The following PSMD8 variants were observed in gnomAD, a reference collection of about 807,000 sequenced individuals.
The protein encoded by PSMD8 is proteasome 26S subunit, non-ATPase 8.
A neutral mutation model predicts 40.0 loss-of-function variants in PSMD8; 30 were observed. The ratio of observed to expected loss-of-function variants is 0.75; its 90% CI spans 0.56 to 1.02. PSMD8 has a LOEUF of 1.02. Ranked by LOEUF, PSMD8 falls within the 50% of genes least tolerant of loss-of-function variation. The pLI is 0.00. For missense variants in PSMD8, 461 were observed against 463.9 expected, an observed-to-expected ratio of 0.99 and a Z score of 0.06; for synonymous variants, 208 against 192.5, an observed-to-expected ratio of 1.08 and a Z score of -0.67.
chr19:38,382,054 G>A (rs576864432), intron 5 of PSMD8, 63 bp from the exon 6 acceptor site: 54 of 1,216,026 alleles, frequency 4.4e-5, no homozygotes, highest in Admixed American at 1.4e-4. Flanking sequence ...TGTCAGGTCT[G>A]GGGGGACAGG....
chr19:38,380,839 G>T, intron 4 of PSMD8, 60 bp from the exon 5 acceptor site: 2 of 1,350,272 alleles, frequency 1.5e-6, no homozygotes, highest in Non-Finnish European at 1.0e-6. Context: ...GCCCACACAG[G>T]TAGGCCCCTT....
rs1259564453 is a variant in PSMD8, at chr19:38,383,751, T to C, written c.*361T>C. On this transcript the variant is annotated 3_prime_UTR_variant, in exon 7 of 7. Transcript: ENST00000215071. The stretch of plus-strand genomic sequence containing the variant: ...AATGCTGGACCAGGGTACCAGATTT[T>C]TTCAACAAAGGGGGTGAAGTGTCCT... 1 of 254,716 alleles carries C rather than the reference T, an allele frequency of 3.9e-6. No homozygotes were observed. Among genetic ancestry groups the C allele is most frequent in the Non-Finnish European group, 7.7e-6 (1 of 130,380 alleles). 15.8% of individuals were successfully genotyped at this position (254,716 alleles called of 1,614,324 possible).
intron 3 of PSMD8, 134 bp from the exon 4 acceptor site, chr19:38,379,106 C>T (rs770066566): frequency 4.1e-5 from 35 of 857,236 alleles, no homozygotes; most frequent in Non-Finnish European, 6.2e-5. Context: ...ACAGTTTCCT[C>T]ATATGAAAAC....
intron 1 of PSMD8, chr19:38,375,168 TTGA>T (rs1174645393): frequency 9.4e-6 from 8 of 849,068 alleles, no homozygotes; most frequent in Non-Finnish European, 1.4e-5. Context: ...ACAGGGAGCG[TTGA>T]TGGTCACGCC....
chr19:38,382,504 T>C, intron 6 of PSMD8: 2 of 559,500 alleles, frequency 3.6e-6, no homozygotes, highest in South Asian at 4.9e-5. Context: ...AGGTGGCAGC[T>C]TTTTCTGCAA....
At position 38,375,189 on chromosome 19, in the gene PSMD8, G is replaced by T. The variant is rs1970588235; in HGVS notation, c.360+228G>T. The T allele has an allele frequency of 5.6e-6, 4 of 712,120 alleles. No individual in the cohort carries two copies. The South Asian group carries it at 5.8e-5, about 10-fold the overall frequency. The allele number at this position is 712,120 out of a possible 1,614,324, so 44.1% of individuals were successfully genotyped here. On this transcript the variant is annotated intron_variant, in intron 1 of 6. Transcript: ENST00000215071. ...AGCGTTGATGGTCACGCCTGTAATC[G>T]CAGCGCTTTGGGAGGCCGAGGCGGG...
At chr19:38,376,028 A>T in intron 1 of PSMD8, 132 bp from the exon 2 acceptor site, 3 of 876,906 alleles carry the variant, frequency 3.4e-6, no homozygotes, top group Non-Finnish European at 5.4e-6. Context: ...GCTTTATGAG[A>T]AAGCATTCCT....
chr19:38,374,806 G>A lies in PSMD8; in HGVS notation c.205G>A (p.Val69Met). The A allele has an allele frequency of 6.4e-7, 1 of 1,573,210 alleles. No individual in the cohort carries two copies. Among genetic ancestry groups the A allele is most frequent in the Non-Finnish European group, 8.6e-7 (1 of 1,165,920 alleles). The change falls in exon 1 of 7, where the codon GTG becomes ATG. Residue 69 changes from valine to methionine, a missense_variant. Around this residue, in one of 2 missense-constraint regions of PSMD8, gnomAD observed 225 missense variants for 142.7 expected, o/e 1.58. Transcript: ENST00000215071. ...AASRKMAAAAVNGAAGFSSSG... is the reference protein window; with the variant it reads ...AASRKMAAAAMNGAAGFSSSG... Reference sequence around the variant, plus strand: ...ATCACGCAAGATGGCGGCCGCGGCGGTGAACGGGGCGGCAGGCTTCTCGAG... The same window carrying A: ...ATCACGCAAGATGGCGGCCGCGGCGATGAACGGGGCGGCAGGCTTCTCGAG...
intron 2 of PSMD8, 24 bp from the exon 3 acceptor site, chr19:38,376,328 G>C (rs750108417): frequency 7.1e-6 from 11 of 1,542,972 alleles, no homozygotes; most frequent in Non-Finnish European, 9.7e-6. Context: ...GTCACCTCCT[G>C]AGAGCTCACT....
At chr19:38,382,779 C>T (rs2145130812) in intron 6 of PSMD8, 2 of 175,688 alleles carry the variant, frequency 1.1e-5, no homozygotes, top group Middle Eastern at 2.7e-3. Flanking sequence ...GATGTGGTGG[C>T]GGGTGCCTGT....
chr19:38,374,767 G>C lies in PSMD8; in HGVS notation c.166G>C (p.Gly56Arg), dbSNP rs764267508. 24 of 1,565,742 alleles carry C rather than the reference G, an allele frequency of 1.5e-5. No homozygotes were observed. Among genetic ancestry groups the C allele is most frequent in the Non-Finnish European group, 1.9e-5 (22 of 1,160,522 alleles). Residue 56 changes from glycine (G) to arginine (R), a missense_variant, in exon 1 of 7, where the codon GGT becomes CGT. Gly to Arg is a moderately radical substitution (Grantham distance 125). This residue lies in a region of PSMD8 where 225 missense variants were observed against 142.7 expected (regional missense o/e 1.58). Transcript: ENST00000215071. ...VCRRRCRKSG[G>R]LLAASRKMAA... is the part of the protein sequence containing the mutation. ...TAGGCGGCGCTGCCGTAAATCAGGC[G>C]GTCTGCTTGCCGCATCACGCAAGAT...
At chr19:38,382,930 AG>A in intron 6 of PSMD8, 5 of 263,646 alleles carry the variant, frequency 1.9e-5, no homozygotes, top group South Asian at 1.3e-4. Context: ...AAAAAAAAAA[AG>A]AAGAAGGTGA....
At chr19:38,380,830 C>A in intron 4 of PSMD8, 69 bp from the exon 5 acceptor site, 2 of 1,242,704 alleles carry the variant, frequency 1.6e-6, no homozygotes, top group Non-Finnish European at 2.2e-6. Flanking sequence ...TGTGATGAGG[C>A]CCACACAGGT....
At chr19:38,380,426 G>A (rs1324974292) in intron 4 of PSMD8, among the ~76,000 whole-genome samples, 1 of 152,160 alleles carries the variant, frequency 6.6e-6, no homozygotes, top group African/African-American at 2.4e-5. Flanking sequence ...GCAGGGCCAG[G>A]GCAAAGCCTT....
chr19:38,379,130 C>A, intron 3 of PSMD8, 110 bp from the exon 4 acceptor site: 2 of 1,129,668 alleles, frequency 1.8e-6, no homozygotes, highest in Non-Finnish European at 2.5e-6. Context: ...GGACCTGATA[C>A]CTCTTCAGGA....
chr19:38,379,174 C>G (rs1970620240), intron 3 of PSMD8, 66 bp from the exon 4 acceptor site: 2 of 1,511,196 alleles, frequency 1.3e-6, no homozygotes, highest in Admixed American at 3.8e-5. Context: ...TTCCTGGAGC[C>G]TGGGGTAGAG....
At position 38,374,720 on chromosome 19, in the gene PSMD8, A is replaced by T. The variant is rs959043523; in HGVS notation, c.119A>T (p.His40Leu). The change falls in exon 1 of 7, where the codon CAC becomes CTC. Residue 40 changes from histidine (H) to leucine (L), a missense_variant. This residue lies in a region of PSMD8 where 225 missense variants were observed against 142.7 expected (regional missense o/e 1.58). Transcript: ENST00000215071. The stretch of plus-strand genomic sequence containing the variant: ...GCCTTGGGCTCCACCTCTCGGCCCC[A>T]CTTCCGCCGGGCAAGCGTTTGTAGG... ...PRALGSTSRPHFRRASVCRRR... is the reference protein window; with the variant it reads ...PRALGSTSRPLFRRASVCRRR... 3.2e-6 allele frequency: 5 copies of T among 1,547,176 alleles called. No individual in the cohort carries two copies. The highest frequency in any genetic ancestry group is 4.4e-6 in the Non-Finnish European group (5 of 1,149,238).
rs1480148484 is a variant in PSMD8, at chr19:38,376,191, C to A, written c.392C>A (p.Thr131Asn). The A allele has an allele frequency of 2.5e-6, 4 of 1,607,620 alleles. No individual in the cohort carries two copies. The highest frequency in any genetic ancestry group is 3.4e-6 in the Non-Finnish European group (4 of 1,176,736). The change falls in exon 2 of 7, where the codon ACC becomes AAC. Residue 131 changes from threonine (T) to asparagine (N), a missense_variant. This residue lies in a region of PSMD8 where 236 missense variants were observed against 321.2 expected (regional missense o/e 0.73). Coordinates refer to ENST00000215071, the MANE Select transcript of PSMD8 (RefSeq NM_002812.5). Reference sequence around the variant, plus strand: ...CTTCTGGAGCTCAACTTCTTGCCAACCACAGGGACCAAGCTGACCAAACAG... The same window carrying A: ...CTTCTGGAGCTCAACTTCTTGCCAAACACAGGGACCAAGCTGACCAAACAG... ...LVLLELNFLP[T>N]TGTKLTKQQL...
At chr19:38,377,570 C>T (rs1430620467) in intron 3 of PSMD8, among the ~76,000 whole-genome samples, 1 of 152,036 alleles carries the variant, frequency 6.6e-6, no homozygotes, top group Non-Finnish European at 1.5e-5. Context: ...AATCTCGGCT[C>T]ACCACAACCT....
Sources: allele counts gnomAD v4.1 joint callset (sites outside exome capture counted in the v4.1 genomes callset), GRCh38; gene constraint gnomAD v4.1.1; regional missense constraint gnomAD v4.1.1; transcripts MANE v1.5; gene names NCBI Gene and HGNC (gene_info 2026-07-23, HGNC 2026-07-21).